SNAP91: variants seen among roughly 807,000 people sequenced by gnomAD.
The protein encoded by SNAP91 is clathrin coat assembly protein AP180.
SNAP91 carries 27 observed loss-of-function variants against 100.3 expected under a neutral mutation model. The ratio of observed to expected loss-of-function variants is 0.27; its 90% CI spans 0.20 to 0.37. SNAP91 has a LOEUF of 0.37. Among genes scored for constraint, SNAP91 ranks in the 10% least tolerant of loss-of-function variants. SNAP91 has a pLI of 1.00. For synonymous variants in SNAP91, 404 were observed against 398.6 expected, an observed-to-expected ratio of 1.01 and a Z score of -0.16; for missense variants, 986 against 1,123.7, an observed-to-expected ratio of 0.88 and a Z score of 1.75.
intron 4 of SNAP91, 126 bp downstream of exon 4, chr6:83,662,221 T>G (rs1211117825): frequency 1.7e-5 from 6 of 344,762 alleles, no homozygotes; most frequent in Non-Finnish European, 3.2e-5. Flanking sequence ...AAGCTATATT[T>G]AAATATAATT....
chr6:83,561,380 A>G (rs1218616656), intron 26 of SNAP91, among the ~76,000 whole-genome samples: 4 of 152,236 alleles, frequency 2.6e-5, no homozygotes, highest in African/African-American at 9.6e-5. Context: ...AGAATTTTAA[A>G]GTGAATGCAT....
At chr6:83,562,046 A>C (rs1788694697) in intron 26 of SNAP91, among the ~76,000 whole-genome samples, 3 of 152,282 alleles carry the variant, frequency 2.0e-5, no homozygotes, top group African/African-American at 7.2e-5. Context: ...CAATAACAAC[A>C]ACAAAAGCTT....
chr6:83,639,919 T>C (rs962335350), intron 8 of SNAP91, among the ~76,000 whole-genome samples: 2 of 152,138 alleles, frequency 1.3e-5, no homozygotes, highest in East Asian at 1.9e-4. Context: ...GGCAAAATCA[T>C]ACCAAATACA....
At chr6:83,574,350 A>G (rs1814224344) in intron 26 of SNAP91, among the ~76,000 whole-genome samples, 1 of 152,206 alleles carries the variant, frequency 6.6e-6, no homozygotes, top group Non-Finnish European at 1.5e-5. Flanking sequence ...ATTTCCAGTC[A>G]TGTGTTCTTT....
chr6:83,643,343 A>T (rs1448488730), intron 7 of SNAP91, among the ~76,000 whole-genome samples: 1 of 152,190 alleles, frequency 6.6e-6, no homozygotes, highest in East Asian at 1.9e-4. Flanking sequence ...TAAGTCTTTA[A>T]TCCATCTTGA....
chr6:83,627,846 T>C (rs531639281), intron 8 of SNAP91, among the ~76,000 whole-genome samples: 2 of 151,972 alleles, frequency 1.3e-5, no homozygotes, highest in Admixed American at 6.6e-5. Context: ...CAATTTCATT[T>C]ATTTATTTAT....
rs570528142 is a variant in SNAP91 at position 83,576,150 on chromosome 6, G to A, written c.2300-97C>T. On this transcript the variant is annotated intron_variant, in intron 24 of 29. Coordinates refer to ENST00000369694, the MANE Select transcript of SNAP91 (RefSeq NM_001242792.2). ...CAAATAATCAGAAGTCTATAAAAAAGTCCTTATTTTGCCTAGGAATGACTG... is the reference window on the plus strand; with the variant it reads ...CAAATAATCAGAAGTCTATAAAAAAATCCTTATTTTGCCTAGGAATGACTG... 10 of 632,684 alleles carry A rather than the reference G, an allele frequency of 1.6e-5. No individual in the cohort carries two copies. In the African/African-American group the frequency reaches 2.0e-4, roughly 12 times the overall value. 39.2% of individuals were successfully genotyped at this position (632,684 alleles called of 1,614,324 possible).
chr6:83,603,735 T>C lies in SNAP91; in HGVS notation c.1141+1950A>G, dbSNP rs561653307. The stretch of plus-strand genomic sequence containing the variant: ...ATGAGAAAGGCTCACAGCGTGACTA[T>C]AGAGTTCTGGCTGGATTTCAGCCCC... On this transcript the variant is annotated intron_variant, in intron 14 of 29. Transcript: ENST00000369694. Among the ~76,000 whole-genome samples, 173 of 152,290 alleles carry C rather than the reference T, an allele frequency of 1.1e-3. 1 individual carries two copies. The highest frequency in any genetic ancestry group is 2.9e-4 in the Non-Finnish European group (20 of 68,014).
At chr6:83,667,165 T>C (rs1461311000) in intron 2 of SNAP91, among the ~76,000 whole-genome samples, 1 of 152,042 alleles carries the variant, frequency 6.6e-6, no homozygotes, top group Non-Finnish European at 1.5e-5. Flanking sequence ...GCATTCAAAG[T>C]ACCATATAGA....
At chr6:83,603,728 G>A (rs916319043) in intron 14 of SNAP91, among the ~76,000 whole-genome samples, 6 of 152,196 alleles carry the variant, frequency 3.9e-5, no homozygotes, top group African/African-American at 7.2e-5. Context: ...GGCTCACAGC[G>A]TGACTATAGA....
At chr6:83,570,565 A>T (rs11757349) in intron 26 of SNAP91, among the ~76,000 whole-genome samples, 2 of 132,644 alleles carry the variant, frequency 1.5e-5, no homozygotes, top group Non-Finnish European at 3.1e-5. Flanking sequence ...GCGGGGGGGG[A>T]AGTGGTTTCA....
At chr6:83,580,761 G>T (rs937815035) in intron 23 of SNAP91, among the ~76,000 whole-genome samples, 162 bp from the exon 24 acceptor site, 1 of 152,144 alleles carries the variant, frequency 6.6e-6, no homozygotes, top group African/African-American at 2.4e-5. Context: ...ACACCAAGAA[G>T]AACATGTCGA....
At chr6:83,702,440 A>G (rs938766178) in intron 2 of SNAP91, among the ~76,000 whole-genome samples, 7 of 152,234 alleles carry the variant, frequency 4.6e-5, no homozygotes, top group Non-Finnish European at 1.0e-4. Flanking sequence ...ATGGCAACTA[A>G]GTACACAGAT....
chr6:83,641,482 T>C (rs1585174878), intron 7 of SNAP91, among the ~76,000 whole-genome samples: 2 of 152,218 alleles, frequency 1.3e-5, no homozygotes, highest in East Asian at 3.8e-4. Context: ...ACTGGCTAAA[T>C]TCATGTTCCA....
At chr6:83,580,345 G>C (rs1826237167) in intron 24 of SNAP91, 105 bp downstream of exon 24, 1 of 1,197,652 alleles carries the variant, frequency 8.3e-7, no homozygotes, top group Non-Finnish European at 1.2e-6. Context: ...CCATAAGAGA[G>C]TCCAGAAACA....
chr6:83,633,961 G>C (rs116690157), intron 8 of SNAP91, among the ~76,000 whole-genome samples: 4,130 of 151,298 alleles, frequency 0.027, 192 homozygotes, highest in African/African-American at 0.093. Flanking sequence ...GTGGGTGGGG[G>C]GAGGGCGGAG....
At chr6:83,616,252 G>A (rs940197783) in intron 10 of SNAP91, among the ~76,000 whole-genome samples, 3 of 152,060 alleles carry the variant, frequency 2.0e-5, no homozygotes, top group African/African-American at 7.2e-5. Context: ...AAGACTTGCA[G>A]AATTATAGTC....
intron 19 of SNAP91, 77 bp from the exon 20 acceptor site, chr6:83,593,094 A>C (rs1455854084): frequency 6.6e-7 from 1 of 1,516,704 alleles, no homozygotes; most frequent in Non-Finnish European, 9.0e-7. Context: ...AAATCTAACA[A>C]ATGCATTATC....
chr6:83,606,405 C>T (rs1249850243), intron 13 of SNAP91, among the ~76,000 whole-genome samples: 2 of 151,426 alleles, frequency 1.3e-5, no homozygotes, highest in African/African-American at 4.9e-5. Flanking sequence ...TCAGTTGAGG[C>T]TGTGCTTTTC....
Sources: allele counts gnomAD v4.1 joint callset (sites outside exome capture counted in the v4.1 genomes callset), GRCh38; gene constraint gnomAD v4.1.1; transcripts MANE v1.5; gene names NCBI Gene and HGNC (gene_info 2026-07-23, HGNC 2026-07-21).